Variants in NPY2R observed in about 807,000 individuals in gnomAD.
NPY2R encodes the protein neuropeptide Y receptor type 2.
Under a neutral mutation model 22.3 loss-of-function variants are expected in NPY2R, and 17 were observed. That is an observed-to-expected ratio of 0.76 (90% CI 0.52 to 1.14). The LOEUF is 1.14. Among genes scored for constraint, NPY2R ranks in the 50% most tolerant of loss-of-function variants. The pLI is 0.00. For missense variants in NPY2R, 424 were observed against 467.9 expected (o/e 0.91, Z 0.87); for synonymous variants, 209 against 183.4 (o/e 1.14, Z -1.13).
At chr4:155,176,971 A>T in the NPY2R span, among the ~76,000 whole-genome samples, 9 of 152,248 alleles carry the variant, frequency 5.9e-5, no homozygotes, top group Middle Eastern at 3.4e-3. Flanking sequence ...TTTTTATCAC[A>T]TAATCACTTC....
At chr4:155,187,333 A>G in the NPY2R span, among the ~76,000 whole-genome samples, 2 of 152,204 alleles carry the variant, frequency 1.3e-5, no homozygotes, top group Non-Finnish European at 2.9e-5. Context: ...TGCAACAGAG[A>G]ATAGATCCCC....
At chr4:155,186,476 G>A in the NPY2R span, among the ~76,000 whole-genome samples, 1 of 152,076 alleles carries the variant, frequency 6.6e-6, no homozygotes, top group Non-Finnish European at 1.5e-5. Flanking sequence ...TTGACAAATT[G>A]AAATTGTATA....
the NPY2R span, among the ~76,000 whole-genome samples, chr4:155,188,748 G>A: frequency 1.3e-5 from 2 of 152,070 alleles, no homozygotes; most frequent in Non-Finnish European, 2.9e-5. Flanking sequence ...AATCCTGCTA[G>A]CAGCCATCTG....
upstream of NPY2R, among the ~76,000 whole-genome samples, chr4:155,206,102 C>A (rs763333201): frequency 2.6e-5 from 4 of 152,172 alleles, no homozygotes; most frequent in Non-Finnish European, 4.4e-5. Context: ...ATTTTCCACT[C>A]TCTCCTACAA....
chr4:155,204,672 A>G (rs1216013805), upstream of NPY2R, among the ~76,000 whole-genome samples: 2 of 152,154 alleles, frequency 1.3e-5, no homozygotes, highest in African/African-American at 4.8e-5. Context: ...TATTTATTAT[A>G]TTAAGGAAAT....
At chr4:155,193,463 G>A in the NPY2R span, among the ~76,000 whole-genome samples, 1 of 151,882 alleles carries the variant, frequency 6.6e-6, no homozygotes, top group Non-Finnish European at 1.5e-5. Flanking sequence ...AGAAATAAGG[G>A]CTCGCCTGAG....
the NPY2R span, among the ~76,000 whole-genome samples, chr4:155,199,703 A>T: frequency 2.6e-5 from 4 of 152,134 alleles, no homozygotes; most frequent in African/African-American, 9.7e-5. Context: ...AGACCTCAGA[A>T]ATAACACCAC....
chr4:155,184,851 C>T, the NPY2R span, among the ~76,000 whole-genome samples: 1 of 151,506 alleles, frequency 6.6e-6, no homozygotes, highest in Admixed American at 6.6e-5. Flanking sequence ...TAAGGGAAAG[C>T]AGTCAAAATA....
In NPY2R at chr4:155,213,867, GTTTTA is replaced by G. The variant is rs1357035627; in HGVS notation, c.-48-20_-48-16del. On this transcript the variant is annotated intron_variant, in intron 1 of 1. Coordinates refer to ENST00000329476, the MANE Select transcript of NPY2R (RefSeq NM_000910.4). ...CATTGGTTTTTGTTGTTGTTGTTTT[GTTTTA>G]TTTTGTTTTTTCTTTTTAGGTTGTA... is the stretch of plus-strand genomic sequence containing the variant. 2.4e-6 allele frequency: 3 copies of G among 1,244,084 alleles called. No homozygotes were observed. The South Asian group carries it at 3.6e-5, about 15-fold the overall frequency. 77.1% of individuals were successfully genotyped at this position (1,244,084 alleles called of 1,614,324 possible).
upstream of NPY2R, among the ~76,000 whole-genome samples, chr4:155,206,180 C>T (rs1729280611): frequency 6.6e-6 from 1 of 152,148 alleles, no homozygotes. Context: ...AGTCTGTTGT[C>T]TATTTGAAGA....
At chr4:155,208,366 T>G (rs1729325443), upstream of NPY2R, 1 of 152,196 alleles carries the variant, frequency 6.6e-6, no homozygotes, top group African/African-American at 2.4e-5. The surrounding 1 kb of genome is among the most constrained non-coding windows in gnomAD (Gnocchi z 5.6). Context: ...TGCCCTCGCC[T>G]TTTCCCGGGG....
chr4:155,195,759 T>G, the NPY2R span, among the ~76,000 whole-genome samples: 2 of 152,054 alleles, frequency 1.3e-5, no homozygotes, highest in East Asian at 3.9e-4. Context: ...CAAATTTAGA[T>G]GTGCTAGCAG....
the NPY2R span, among the ~76,000 whole-genome samples, chr4:155,199,517 C>T: frequency 6.6e-6 from 1 of 152,056 alleles, no homozygotes; most frequent in Non-Finnish European, 1.5e-5. Flanking sequence ...AAAAAAACTA[C>T]TTTAAAATTT....
At position 155,214,300 on chromosome 4, in the gene NPY2R, G is replaced by C; in HGVS notation, c.361G>C (p.Val121Leu). The change falls in exon 2 of 2, where the codon GTC becomes CTC. Residue 121 changes from valine (V) to leucine (L), a missense_variant. Physicochemically the swap from Val to Leu is conservative, Grantham distance 32. Coordinates refer to ENST00000329476, the MANE Select transcript of NPY2R (RefSeq NM_000910.4). ...TLMGEWKMGPVLCHLVPYAQG... is the reference protein window; with the variant it reads ...TLMGEWKMGPLLCHLVPYAQG... ...AATGGGGGAGTGGAAAATGGGTCCT[G>C]TCCTGTGCCACCTGGTGCCCTATGC... The C allele has an allele frequency of 6.2e-7, 1 of 1,614,140 alleles. No individual in the cohort carries two copies. The highest frequency in any genetic ancestry group is 8.5e-7 in the Non-Finnish European group (1 of 1,180,040).
intron 1 of NPY2R, among the ~76,000 whole-genome samples, chr4:155,213,193 T>G (rs1437245284): frequency 1.3e-5 from 2 of 152,304 alleles, no homozygotes; most frequent in Non-Finnish European, 2.9e-5. Flanking sequence ...GGTACACTAC[T>G]TGGGTGACAG....
At chr4:155,210,542 A>G (rs1729382460) in intron 1 of NPY2R, among the ~76,000 whole-genome samples, 1 of 152,136 alleles carries the variant, frequency 6.6e-6, no homozygotes. Context: ...GAGTAACTGT[A>G]CTCTAAAACC....
upstream of NPY2R, chr4:155,206,593 G>A (rs567086150): frequency 1.3e-5 from 2 of 152,266 alleles, no homozygotes; most frequent in South Asian, 4.1e-4. Context: ...CTCTTTTGAG[G>A]TTGCTGACTA....
the NPY2R span, among the ~76,000 whole-genome samples, chr4:155,175,277 G>A: frequency 2.0e-5 from 3 of 152,134 alleles, no homozygotes; most frequent in Non-Finnish European, 4.4e-5. Context: ...ATAATCTGCT[G>A]AAGTATTTGT....
chr4:155,174,637 A>G, the NPY2R span, among the ~76,000 whole-genome samples: 1 of 151,796 alleles, frequency 6.6e-6, no homozygotes, highest in South Asian at 2.1e-4. Context: ...AACTAAAATT[A>G]TACATCCCCA....
Sources: gnomAD v4.1 joint callset for allele counts (sites outside exome capture counted in the v4.1 genomes callset) on GRCh38, gnomAD v4.1.1 for gene constraint, Gnocchi (gnomAD v3.1) non-coding constraint, MANE v1.5 for transcripts, NCBI Gene and HGNC (gene_info 2026-07-23, HGNC 2026-07-21) for gene names.